RALYL: variants seen among roughly 807,000 people sequenced by gnomAD.
RALYL encodes RALY RNA binding protein like.
RALYL carries 29 observed loss-of-function variants against 35.1 expected under a neutral mutation model. The observed-to-expected ratio is 0.83, with a 90% CI of 0.61 to 1.13. The LOEUF (loss-of-function observed/expected upper bound fraction) is 1.13, where lower values mean the gene tolerates loss of function less well. Among genes scored for constraint, RALYL ranks in the 50% most tolerant of loss-of-function variants. The pLI, the probability that RALYL is intolerant of heterozygous loss-of-function variation, is 0.00. For missense variants in RALYL, 359 were observed against 360.4 expected, an observed-to-expected ratio of 1.00 and a Z score of 0.03; for synonymous variants, 120 against 127.6, an observed-to-expected ratio of 0.94 and a Z score of 0.40.
At chr8:84,501,832 A>C (rs1183214069) in intron 1 of RALYL, among the ~76,000 whole-genome samples, 1 of 150,056 alleles carries the variant, frequency 6.7e-6, no homozygotes, top group African/African-American at 2.4e-5. Context: ...TATATTAATA[A>C]ATAATATAGA....
intron 1 of RALYL, among the ~76,000 whole-genome samples, chr8:84,210,532 G>A (rs891962106): frequency 5.3e-5 from 8 of 151,946 alleles, no homozygotes; most frequent in East Asian, 3.9e-4. Context: ...ATGTACAGGC[G>A]CTTATTCAAG....
chr8:84,269,678 A>G (rs753190406), intron 1 of RALYL, among the ~76,000 whole-genome samples: 2 of 152,172 alleles, frequency 1.3e-5, no homozygotes, highest in African/African-American at 4.8e-5. Context: ...AAATCTAAGT[A>G]TAATTCTTAA....
intron 3 of RALYL, among the ~76,000 whole-genome samples, chr8:84,802,834 A>G (rs899855193): frequency 6.6e-6 from 1 of 152,196 alleles, no homozygotes; most frequent in Non-Finnish European, 1.5e-5. Context: ...GTGACTTTGA[A>G]CAAAGAATTT....
intron 1 of RALYL, among the ~76,000 whole-genome samples, chr8:84,214,906 T>C (rs2131221510): frequency 6.6e-6 from 1 of 151,986 alleles, no homozygotes; most frequent in African/African-American, 2.4e-5. Context: ...TTAATTTTTA[T>C]ATATTTATTT....
intron 3 of RALYL, among the ~76,000 whole-genome samples, chr8:84,785,429 CT>C (rs1310282154): frequency 6.6e-6 from 1 of 152,120 alleles, no homozygotes; most frequent in Non-Finnish European, 1.5e-5. Flanking sequence ...ATTAAAACAC[CT>C]CTTACTTTAT....
intron 2 of RALYL, chr8:84,705,778 T>C: frequency 1.7e-6 from 1 of 588,500 alleles, no homozygotes; most frequent in Non-Finnish European, 2.6e-6. Flanking sequence ...ACTTAACTGC[T>C]ATAGGATCGG....
chr8:84,260,062 A>C (rs997276908), intron 1 of RALYL, among the ~76,000 whole-genome samples: 1 of 152,182 alleles, frequency 6.6e-6, no homozygotes, highest in Admixed American at 6.5e-5. Context: ...TCTGGCAGCT[A>C]TACAAGAAGG....
At chr8:84,822,714 A>G (rs1047842106) in intron 4 of RALYL, among the ~76,000 whole-genome samples, 1 of 152,180 alleles carries the variant, frequency 6.6e-6, no homozygotes, top group Non-Finnish European at 1.5e-5. Flanking sequence ...AATCATTTAG[A>G]CTTAACTAAC....
chr8:84,475,371 C>T (rs2053275716), intron 1 of RALYL, among the ~76,000 whole-genome samples: 1 of 152,044 alleles, frequency 6.6e-6, no homozygotes, highest in African/African-American at 2.4e-5. Flanking sequence ...AGGTGCACAT[C>T]ACCATGCCCA....
chr8:84,741,379 G>T (rs761743767), intron 2 of RALYL, among the ~76,000 whole-genome samples: 1 of 151,928 alleles, frequency 6.6e-6, no homozygotes, highest in Non-Finnish European at 1.5e-5. Context: ...AAATACCTCA[G>T]ACTGGTTACT....
chr8:84,330,857 G>A (rs1846674417), intron 1 of RALYL, among the ~76,000 whole-genome samples: 1 of 152,034 alleles, frequency 6.6e-6, no homozygotes, highest in Non-Finnish European at 1.5e-5. Context: ...AATAGCATGA[G>A]CAAGGGTGGT....
At chr8:84,918,773 C>T (rs1286213086) in intron 8 of RALYL, among the ~76,000 whole-genome samples, 1 of 152,046 alleles carries the variant, frequency 6.6e-6, no homozygotes, top group Non-Finnish European at 1.5e-5. Flanking sequence ...GACTTGTAAC[C>T]ATGTGGTTAA....
intron 1 of RALYL, among the ~76,000 whole-genome samples, chr8:84,498,710 C>G (rs1432000044): frequency 6.6e-6 from 1 of 152,056 alleles, no homozygotes. Flanking sequence ...CTAATACACT[C>G]TTTTAAGAGA....
intron 8 of RALYL, among the ~76,000 whole-genome samples, chr8:84,916,489 G>A (rs1178613699): frequency 6.6e-6 from 1 of 151,668 alleles, no homozygotes; most frequent in African/African-American, 2.4e-5. Flanking sequence ...TTCTTGTGAT[G>A]GTACATAAGT....
intron 2 of RALYL, among the ~76,000 whole-genome samples, chr8:84,671,449 C>A (rs559614687): frequency 6.6e-6 from 1 of 152,172 alleles, no homozygotes; most frequent in Admixed American, 6.5e-5. Flanking sequence ...ATTTGCCTTC[C>A]ACACTGCCCT....
chr8:84,891,825 T>G (rs917119236), intron 8 of RALYL, among the ~76,000 whole-genome samples: 5 of 152,124 alleles, frequency 3.3e-5, no homozygotes, highest in South Asian at 2.1e-4. Context: ...TCCCAAAAAG[T>G]GAAATAAAAG....
At chr8:84,424,467 G>C (rs1465436411) in intron 1 of RALYL, among the ~76,000 whole-genome samples, 2 of 144,010 alleles carry the variant, frequency 1.4e-5, no homozygotes, top group Non-Finnish European at 3.0e-5. Context: ...TTTTTTCAAA[G>C]TTTTCAACTT....
chr8:84,262,629 C>G (rs934308623), intron 1 of RALYL, among the ~76,000 whole-genome samples: 2 of 152,006 alleles, frequency 1.3e-5, no homozygotes, highest in Non-Finnish European at 2.9e-5. Flanking sequence ...ACTTTTGATA[C>G]ATAGAAATAA....
At chr8:84,583,508 A>G (rs1811314324) in intron 2 of RALYL, among the ~76,000 whole-genome samples, 1 of 152,144 alleles carries the variant, frequency 6.6e-6, no homozygotes, top group Admixed American at 6.5e-5. Flanking sequence ...TTAATAAATA[A>G]TCAAATGTTA....
Sources: allele counts gnomAD v4.1 joint callset (sites outside exome capture counted in the v4.1 genomes callset), GRCh38; gene constraint gnomAD v4.1.1; transcripts MANE v1.5; gene names NCBI Gene and HGNC (gene_info 2026-07-23, HGNC 2026-07-21).